The following PAQR5 variants were observed in gnomAD, a reference collection of about 807,000 sequenced individuals.
PAQR5 encodes membrane progestin receptor gamma.
In PAQR5, 20 loss-of-function variants were observed where a neutral mutation model predicts 34.5. The ratio of observed to expected loss-of-function variants is 0.58; its 90% CI spans 0.41 to 0.84. The LOEUF (loss-of-function observed/expected upper bound fraction) is 0.84. PAQR5 is among the 40% of genes least tolerant of loss of function. PAQR5 has a pLI of 0.00. For missense variants in PAQR5, 378 were observed against 412.7 expected (o/e 0.92, Z 0.73); for synonymous variants, 131 against 155.6 (o/e 0.84, Z 1.18).
At chr15:69,392,794 A>C (rs2056308808) in intron 6 of PAQR5, among the ~76,000 whole-genome samples, 1 of 151,172 alleles carries the variant, frequency 6.6e-6, no homozygotes, top group Non-Finnish European at 1.5e-5. Flanking sequence ...AGAACACTTT[A>C]GCTGAAGAGG....
intron 1 of PAQR5, among the ~76,000 whole-genome samples, chr15:69,299,486 C>T (rs2053476173): frequency 6.6e-6 from 1 of 152,230 alleles, no homozygotes; most frequent in South Asian, 2.1e-4. Flanking sequence ...TGCTTCCCGC[C>T]TCCTGAGCCC....
At position 69,403,921 on chromosome 15, in the gene PAQR5, A is replaced by G; in HGVS notation, c.*99A>G. The G allele has an allele frequency of 8.9e-6, 11 of 1,241,086 alleles. No homozygotes were observed. Among genetic ancestry groups the G allele is most frequent in the Non-Finnish European group, 1.2e-5 (11 of 891,342 alleles). The allele number at this position is 1,241,086 out of a possible 1,614,324, so 76.9% of individuals were successfully genotyped here. On this transcript the variant is annotated 3_prime_UTR_variant, in exon 9 of 9. Coordinates refer to ENST00000395407, the MANE Select transcript of PAQR5 (RefSeq NM_017705.4). ...GTTACAGCTTATCATGGCCTAAAAT[A>G]TTCATAATGGTTGGTGTCTTTTGAA...
At chr15:69,303,600 T>A (rs1330861785) in intron 1 of PAQR5, among the ~76,000 whole-genome samples, 1 of 110,582 alleles carries the variant, frequency 9.0e-6, no homozygotes, top group Non-Finnish European at 2.3e-5. Flanking sequence ...AATCAATCAA[T>A]CAGTCAGTCA....
At chr15:69,300,749 A>C (rs183476342) in intron 1 of PAQR5, among the ~76,000 whole-genome samples, 1 of 7,412 alleles carries the variant, frequency 1.3e-4, no homozygotes, top group Non-Finnish European at 4.9e-4. Context: ...TCTTTCTTTC[A>C]TTCTTTCTCT....
At chr15:69,311,096 TAG>T (rs1313662663) in intron 1 of PAQR5, among the ~76,000 whole-genome samples, 1 of 141,316 alleles carries the variant, frequency 7.1e-6, no homozygotes, top group Non-Finnish European at 1.5e-5. Flanking sequence ...AGAGATTCAC[TAG>T]AGAGGGGATC....
At chr15:69,346,508 C>T (rs1279491528) in intron 2 of PAQR5, among the ~76,000 whole-genome samples, 1 of 151,544 alleles carries the variant, frequency 6.6e-6, no homozygotes, top group African/African-American at 2.4e-5. Flanking sequence ...CTATGTTGCC[C>T]AGGCTGGTCT....
At chr15:69,397,990 G>C (rs778444754) in intron 7 of PAQR5, among the ~76,000 whole-genome samples, 1 of 152,300 alleles carries the variant, frequency 6.6e-6, no homozygotes, top group Admixed American at 6.5e-5. Flanking sequence ...TGAGTGGAGT[G>C]AGCAGGAGAG....
rs1595869368 is a variant in PAQR5, at chr15:69,337,463, T to C, written c.-154T>C. On this transcript the variant is annotated 5_prime_UTR_variant, in exon 2 of 9. Coordinates refer to ENST00000395407, the MANE Select transcript of PAQR5 (RefSeq NM_017705.4). ...CTTTGGGGAATCTGGCCTCATACCT[T>C]GTCCACACAGAGTTCCTGTACAAGG... is the stretch of plus-strand genomic sequence containing the variant. 1 of 152,386 alleles carries C rather than the reference T, an allele frequency of 6.6e-6. No individual in the cohort carries two copies. The highest frequency in any genetic ancestry group is 1.5e-5 in the Non-Finnish European group (1 of 68,026). The allele number at this position is 152,386 out of a possible 1,614,324, so 9.4% of individuals were successfully genotyped here.
At chr15:69,360,520 C>T (rs1008699455) in intron 3 of PAQR5, among the ~76,000 whole-genome samples, 1 of 152,182 alleles carries the variant, frequency 6.6e-6, no homozygotes, top group Non-Finnish European at 1.5e-5. Context: ...CTTTGCTCAT[C>T]CCCATTACTT....
chr15:69,380,306 G>A (rs766878857), intron 4 of PAQR5: 31 of 292,794 alleles, frequency 1.1e-4, no homozygotes, highest in African/African-American at 3.4e-4. Flanking sequence ...CTTCATCTCC[G>A]GTCTTGGAGA....
At chr15:69,402,681 T>C (rs1347468989) in intron 8 of PAQR5, among the ~76,000 whole-genome samples, 1 of 152,226 alleles carries the variant, frequency 6.6e-6, no homozygotes, top group Non-Finnish European at 1.5e-5. Context: ...ACTTCATTTT[T>C]ATTTAATTAT....
At chr15:69,397,394 G>A (rs2056474778) in intron 6 of PAQR5, 74 bp from the exon 7 acceptor site, 1 of 935,048 alleles carries the variant, frequency 1.1e-6, no homozygotes. Flanking sequence ...CCCTCGGTGT[G>A]CATGCATGTG....
chr15:69,347,078 T>A (rs993512845), intron 2 of PAQR5, among the ~76,000 whole-genome samples: 9 of 152,130 alleles, frequency 5.9e-5, no homozygotes, highest in Non-Finnish European at 1.0e-4. Context: ...TGCCTCGGCC[T>A]CCCAAAGTGC....
intron 3 of PAQR5, among the ~76,000 whole-genome samples, chr15:69,378,472 T>G (rs895583418): frequency 2.1e-5 from 3 of 140,136 alleles, no homozygotes; most frequent in African/African-American, 5.4e-5. Flanking sequence ...GAGAGAGAGA[T>G]AGCACAGACT....
rs78653220 is a variant in PAQR5, at chr15:69,362,094, G to A, written c.51+1963G>A. Among the ~76,000 whole-genome samples, 1,138 of 152,276 alleles carry A rather than the reference G, an allele frequency of 7.5e-3. 16 individuals carry two copies. Among genetic ancestry groups the A allele is most frequent in the African/African-American group, 0.026 (1,095 of 41,536 alleles). On this transcript the variant is annotated intron_variant, in intron 3 of 8. Transcript: ENST00000395407. ...TGAAGGGGGCAGAGTGGTATCAATAGGTCCTTTGGGTAACCTGCTGGGAAT... is the reference window on the plus strand; with the variant it reads ...TGAAGGGGGCAGAGTGGTATCAATAAGTCCTTTGGGTAACCTGCTGGGAAT...
chr15:69,314,682 G>C (rs2053905625), intron 1 of PAQR5: 1 of 151,496 alleles, frequency 6.6e-6, no homozygotes, highest in African/African-American at 2.4e-5. Context: ...CTGGGGAGGA[G>C]AGGGAGCCTC....
chr15:69,403,032 T>C (rs2056682621), intron 8 of PAQR5, among the ~76,000 whole-genome samples: 1 of 152,220 alleles, frequency 6.6e-6, no homozygotes, highest in African/African-American at 2.4e-5. Flanking sequence ...TCCACTTGGT[T>C]AGTGGCCAAC....
At chr15:69,349,875 C>T (rs2140783787) in intron 2 of PAQR5, among the ~76,000 whole-genome samples, 1 of 152,126 alleles carries the variant, frequency 6.6e-6, no homozygotes, top group Non-Finnish European at 1.5e-5. Flanking sequence ...CTCCTGACCT[C>T]AAGTGATCGG....
chr15:69,396,844 T>A, intron 6 of PAQR5: 1 of 294,652 alleles, frequency 3.4e-6, no homozygotes, highest in Non-Finnish European at 6.6e-6. Context: ...CTTGTTTTAA[T>A]GTTGCTGTCA....
Sources: allele counts gnomAD v4.1 joint callset (sites outside exome capture counted in the v4.1 genomes callset), GRCh38; gene constraint gnomAD v4.1.1; transcripts MANE v1.5; gene names NCBI Gene and HGNC (gene_info 2026-07-23, HGNC 2026-07-21).